Variants in USP26 observed in about 807,000 individuals in gnomAD.
USP26 encodes the protein ubiquitin carboxyl-terminal hydrolase 26.
For missense variants in USP26, 649 were observed against 642.3 expected (o/e 1.01, Z -0.11); for synonymous variants, 236 against 240.6 (o/e 0.98, Z 0.18).
chrX:133,085,570 G>A (rs761383896), intron 4 of USP26, among the ~76,000 whole-genome samples: 175 of 112,189 alleles, frequency 1.6e-3, no homozygotes, highest in Admixed American at 2.6e-3. Flanking sequence ...TGCTGCTACT[G>A]AAGTCATACA....
At chrX:133,061,603 G>T (rs1298559359) in intron 5 of USP26, among the ~76,000 whole-genome samples, 2 of 112,281 alleles carry the variant, frequency 1.8e-5, no homozygotes, top group Non-Finnish European at 3.8e-5. Context: ...GAGGTACCCT[G>T]TTAATCTCAC....
chrX:133,079,959 A>G, intron 5 of USP26, among the ~76,000 whole-genome samples: 1 of 111,944 alleles, frequency 8.9e-6, no homozygotes, highest in East Asian at 2.8e-4. Context: ...GACATATATT[A>G]GTTACATGTT....
chrX:133,032,512 G>T (rs925882735), intron 5 of USP26, among the ~76,000 whole-genome samples: 1 of 111,967 alleles, frequency 8.9e-6, no homozygotes, highest in African/African-American at 3.2e-5. Flanking sequence ...AGACTGAATG[G>T]ACTAGTAACC....
intron 5 of USP26, among the ~76,000 whole-genome samples, chrX:133,078,037 T>G (rs947252408): frequency 3.6e-5 from 4 of 110,998 alleles, no homozygotes; most frequent in Non-Finnish European, 5.7e-5. Flanking sequence ...TGAGTCGTGA[T>G]CATGTCACTG....
intron 5 of USP26, among the ~76,000 whole-genome samples, chrX:133,065,389 T>C (rs2067507955): frequency 9.0e-6 from 1 of 111,542 alleles, no homozygotes; most frequent in African/African-American, 3.3e-5. Context: ...GAGGCCAGCA[T>C]CAACCTGATA....
intron 4 of USP26, among the ~76,000 whole-genome samples, chrX:133,087,918 C>T (rs774720059): frequency 1.8e-4 from 20 of 111,237 alleles, no homozygotes; most frequent in Admixed American, 2.9e-4. Context: ...ACTTGTAATC[C>T]CAGAACTTTG....
rs193117550 is a variant in USP26, at chrX:133,087,414, G to A, written c.-142+2699C>T. Among the ~76,000 whole-genome samples, 517 of 112,473 alleles carry A rather than the reference G, an allele frequency of 4.6e-3. 2 individuals are homozygous for A. Among genetic ancestry groups the A allele is most frequent in the African/African-American group, 0.016 (495 of 31,009 alleles). On this transcript the variant is annotated intron_variant, in intron 4 of 5. Coordinates refer to ENST00000511190, the MANE Select transcript of USP26 (RefSeq NM_031907.3). ...TGCCAGTAATTTTTTAATTTATTCA[G>A]TGTTGTGTAAGAGCTGGCTCATATG...
chrX:133,092,203 T>C (rs1208961372), intron 1 of USP26, among the ~76,000 whole-genome samples: 2 of 111,886 alleles, frequency 1.8e-5, no homozygotes, highest in African/African-American at 6.5e-5. Context: ...TAAACTATAG[T>C]TCATCTTGCT....
At position 133,024,169 on chromosome X, in the gene USP26, T is replaced by C. The variant is rs752130669; in HGVS notation, c.*1310A>G. 4.5e-5 allele frequency among the ~76,000 whole-genome samples: 5 copies of C among 111,171 alleles called. No homozygotes were observed. Among genetic ancestry groups the C allele is most frequent in the Admixed American group, 2.9e-4 (3 of 10,357 alleles). ...TCTTCATATGGAGTTTCTGATGTTGTGTCAAATAAGTAACAAGTAATACTT... is the reference window on the plus strand; with the variant it reads ...TCTTCATATGGAGTTTCTGATGTTGCGTCAAATAAGTAACAAGTAATACTT... On this transcript the variant is annotated 3_prime_UTR_variant, in exon 6 of 6. Transcript: ENST00000511190.
At position 133,025,727 on chromosome X, in the gene USP26, G is replaced by T; in HGVS notation, c.2494C>A (p.His832Asn). The change falls in exon 6 of 6, where the codon CAT (histidine) becomes AAT (asparagine). Residue 832 changes from histidine to asparagine, a missense_variant. By Grantham distance (68) the His-to-Asn change is moderately conservative. Coordinates refer to ENST00000511190, the MANE Select transcript of USP26 (RefSeq NM_031907.3). ...CCTGACTTTAGAGTCTTCCCAAGAT[G>T]GCTGACAACACTAATGAGCCGGTAG... ...HTYRLISVVSHLGKTLKSGHY... is the reference protein window; with the variant it reads ...HTYRLISVVSNLGKTLKSGHY... 1 of 1,211,059 alleles carries T rather than the reference G, an allele frequency of 8.3e-7. No homozygotes were observed. Among genetic ancestry groups the T allele is most frequent in the Non-Finnish European group, 1.1e-6 (1 of 894,943 alleles).
At chrX:133,058,263 G>T (rs911263126) in intron 5 of USP26, among the ~76,000 whole-genome samples, 14 of 110,470 alleles carry the variant, frequency 1.3e-4, no homozygotes, top group South Asian at 3.9e-4. Context: ...GTATGCTACT[G>T]TTGTCAAAGT....
chrX:133,086,908 T>C (rs1315657178), intron 4 of USP26, among the ~76,000 whole-genome samples: 2 of 60,504 alleles, frequency 3.3e-5, no homozygotes, highest in Admixed American at 3.6e-4. Flanking sequence ...AGAGAGACTC[T>C]GCCTCAAAAA....
intron 5 of USP26, among the ~76,000 whole-genome samples, chrX:133,051,851 T>C (rs2067460086): frequency 8.9e-6 from 1 of 112,394 alleles, no homozygotes; most frequent in Admixed American, 9.5e-5. Flanking sequence ...CATATTCATA[T>C]AGGGAAGAAG....
chrX:133,041,009 C>G (rs752950933), intron 5 of USP26, among the ~76,000 whole-genome samples: 1 of 109,806 alleles, frequency 9.1e-6, no homozygotes, highest in Non-Finnish European at 1.9e-5. Context: ...GTTTATGCTT[C>G]ACGAAGTTCT....
At chrX:133,070,847 A>C (rs753591136) in intron 5 of USP26, among the ~76,000 whole-genome samples, 1 of 111,628 alleles carries the variant, frequency 9.0e-6, no homozygotes, top group Non-Finnish European at 1.9e-5. Flanking sequence ...GTTAGGAGAA[A>C]ATCTTCCAGA....
chrX:133,078,053 C>T (rs977286867), intron 5 of USP26, among the ~76,000 whole-genome samples: 11 of 110,916 alleles, frequency 9.9e-5, no homozygotes, highest in African/African-American at 3.3e-4. Flanking sequence ...CACTGCACTC[C>T]ATCTTGGGCA....
chrX:133,045,246 C>T (rs1171830936), intron 5 of USP26, among the ~76,000 whole-genome samples: 1 of 112,035 alleles, frequency 8.9e-6, no homozygotes, highest in Non-Finnish European at 1.9e-5. Flanking sequence ...TCTAGCTAAT[C>T]TAGTGGGGAC....
intron 1 of USP26, among the ~76,000 whole-genome samples, chrX:133,092,392 A>G (rs1192827351): frequency 8.9e-6 from 1 of 112,114 alleles, no homozygotes; most frequent in Non-Finnish European, 1.9e-5. Flanking sequence ...ACCAGCTTAT[A>G]CAATAGCATT....
At position 133,023,358 on chromosome X, in the gene USP26, T is replaced by C. The variant is rs1264553773; in HGVS notation, c.*2121A>G. Among the ~76,000 whole-genome samples the C allele has an allele frequency of 1.8e-5, 2 of 111,819 alleles. No individual in the cohort carries two copies. Among genetic ancestry groups the C allele is most frequent in the Non-Finnish European group, 3.8e-5 (2 of 53,194 alleles). ...AAGTGCTACATGCTGAAGAGCAGCA[T>C]GACCAGGATGTAAACTCTGTACTAA... On this transcript the variant is annotated 3_prime_UTR_variant, in exon 6 of 6. Coordinates refer to ENST00000511190, the MANE Select transcript of USP26 (RefSeq NM_031907.3).
Sources: gnomAD v4.1 joint callset for allele counts (sites outside exome capture counted in the v4.1 genomes callset) on GRCh38, gnomAD v4.1.1 for gene constraint, MANE v1.5 for transcripts, NCBI Gene and HGNC (gene_info 2026-07-23, HGNC 2026-07-21) for gene names.